Variants in FIGNL2 observed in about 807,000 individuals in gnomAD.
FIGNL2 encodes fidgetin like 2.
For synonymous variants in FIGNL2, 565 were observed against 484.0 expected, an observed-to-expected ratio of 1.17 and a Z score of -2.20; for missense variants, 1,060 against 950.2, an observed-to-expected ratio of 1.12 and a Z score of -1.52.
At position 51,820,854 on chromosome 12, in the gene FIGNL2, C is replaced by A. The variant is rs1483493248; in HGVS notation, c.1560G>T (p.Gly520=). 4.8e-6 allele frequency: 7 copies of A among 1,449,444 alleles called. No homozygotes were observed. In the South Asian group the frequency reaches 9.4e-5, roughly 19 times the overall value. The allele number at this position is 1,449,444 out of a possible 1,614,324, so 89.8% of individuals were successfully genotyped here. The change falls in exon 2 of 2, where the codon GGG becomes GGT. Residue 520 remains glycine (G), a synonymous_variant. Transcript: ENST00000618634. ...LQVPLLACLD[G]GCGAGADGVL... The stretch of plus-strand genomic sequence containing the variant: ...CGCCGTCAGCCCCCGCGCCGCAGCC[C>A]CCGTCCAGGCAGGCCAGGAGCGGCA...
chr12:51,832,800 T>C (rs575290121), intron 1 of FIGNL2, among the ~76,000 whole-genome samples: 4 of 152,168 alleles, frequency 2.6e-5, no homozygotes, highest in Non-Finnish European at 5.9e-5. Context: ...CACTGGAATA[T>C]TTAATTGGCA....
rs1347812775 is a variant in FIGNL2, at chr12:51,820,971, G to A, written c.1443C>T (p.Arg481=). 2.5e-5 allele frequency: 31 copies of A among 1,218,576 alleles called. No individual in the cohort carries two copies. The highest frequency in any genetic ancestry group is 3.8e-5 in the South Asian group (1 of 26,320). The allele number at this position is 1,218,576 out of a possible 1,614,324, so 75.5% of individuals were successfully genotyped here. A position where few individuals can be genotyped will look rare whatever the true frequency, so the allele number is the denominator to read the frequency against. The change falls in exon 2 of 2, where the codon CGC becomes CGT. Residue 481 remains arginine, a synonymous_variant. Coordinates refer to ENST00000618634, the MANE Select transcript of FIGNL2 (RefSeq NM_001384995.1). The stretch of plus-strand genomic sequence containing the variant: ...TGAGGAGTACGGAGGGTGGGCGGCA[G>A]CGCGCGGCCGCGAAGGCGGCCTGGA... ...RLLQAAFAAA[R]CRPPSVLLIS...
chr12:51,839,125 A>T (rs1189776279), intron 1 of FIGNL2, among the ~76,000 whole-genome samples: 1 of 151,222 alleles, frequency 6.6e-6, no homozygotes, highest in African/African-American at 2.4e-5. Flanking sequence ...TCCTGCTTCA[A>T]GTCCCTCCTG....
At chr12:51,837,030 T>C (rs1441757358) in intron 1 of FIGNL2, among the ~76,000 whole-genome samples, 1 of 152,100 alleles carries the variant, frequency 6.6e-6, no homozygotes, top group Non-Finnish European at 1.5e-5. Flanking sequence ...ATTAGCACAT[T>C]TGAACCGCTC....
chr12:51,821,813 G>C lies in FIGNL2; in HGVS notation c.601C>G (p.Pro201Ala). 7.8e-7 allele frequency: 1 copy of C among 1,275,042 alleles called. No homozygotes were observed. Among genetic ancestry groups the C allele is most frequent in the South Asian group, 3.0e-5 (1 of 33,154 alleles). 79.0% of individuals were successfully genotyped at this position (1,275,042 alleles called of 1,614,324 possible). A position where few individuals can be genotyped will look rare whatever the true frequency, so the allele number is the denominator to read the frequency against. Residue 201 changes from proline to alanine, a missense_variant, in exon 2 of 2, where the codon CCG becomes GCG. By Grantham distance (27) the Pro-to-Ala change is conservative. Transcript: ENST00000618634. ...CCCCCTGCGGGATAGTTGTACAGCG[G>C]CGCTGAGGGCCCGTACCCCGGAGGC... ...PPPPGYGPSAPLYNYPAGGYA... is the reference protein window; with the variant it reads ...PPPPGYGPSAALYNYPAGGYA...
At chr12:51,836,087 A>C (rs1939574242) in intron 1 of FIGNL2, among the ~76,000 whole-genome samples, 1 of 152,144 alleles carries the variant, frequency 6.6e-6, no homozygotes, top group African/African-American at 2.4e-5. Context: ...CTGGGATTAC[A>C]GGAGTGAGCC....
Position 51,821,084 on chromosome 12 carries a change from A to C in FIGNL2, c.1330T>G (p.Cys444Gly). ...RGAGKALLGR[C>G]LATQLGATLL... is the part of the protein sequence containing the mutation. ...GTGGCGCCCAGCTGCGTGGCGAGGC[A>C]GCGGCCCAGCAGCGCTTTGCCCGCG... The change falls in exon 2 of 2, where the codon TGC becomes GGC. Residue 444 changes from cysteine to glycine, a missense_variant. Transcript: ENST00000618634. 1 of 1,301,928 alleles carries C rather than the reference A, an allele frequency of 7.7e-7. No homozygotes were observed. Among genetic ancestry groups the C allele is most frequent in the Non-Finnish European group, 9.7e-7 (1 of 1,030,528 alleles). 80.6% of individuals were successfully genotyped at this position (1,301,928 alleles called of 1,614,324 possible).
intron 1 of FIGNL2, among the ~76,000 whole-genome samples, chr12:51,825,057 CAAACA>C (rs561215634): frequency 2.0e-3 from 309 of 151,772 alleles, no homozygotes; most frequent in Middle Eastern, 6.8e-3. Flanking sequence ...AACAAACAAA[CAAACA>C]AAAGTTACAC....
At position 51,821,398 on chromosome 12, in the gene FIGNL2, C is replaced by A; in HGVS notation, c.1016G>T (p.Gly339Val). ...PLKVLGSPVY[G>V]PQLEPFEKFP... is the part of the protein sequence containing the mutation. ...CTTTTCAAAGGGCTCCAGTTGCGGGCCGTAGACGGGGGAGCCCAGGACCTT... is the reference window on the plus strand; with the variant it reads ...CTTTTCAAAGGGCTCCAGTTGCGGGACGTAGACGGGGGAGCCCAGGACCTT... Residue 339 changes from glycine (G) to valine (V), a missense_variant, in exon 2 of 2, where the codon GGC (glycine) becomes GTC (valine). Physicochemically the swap from Gly to Val is moderately radical, Grantham distance 109. Transcript: ENST00000618634. 6.6e-7 allele frequency: 1 copy of A among 1,524,794 alleles called. No homozygotes were observed. Among genetic ancestry groups the A allele is most frequent in the Non-Finnish European group, 8.8e-7 (1 of 1,138,546 alleles). The allele number at this position is 1,524,794 out of a possible 1,614,324, so 94.5% of individuals were successfully genotyped here.
intron 1 of FIGNL2, chr12:51,825,990 C>T (rs1227645482): frequency 1.3e-5 from 2 of 152,234 alleles, no homozygotes; most frequent in Non-Finnish European, 2.9e-5. Context: ...CCTTCCACTC[C>T]AGGTAAATTT....
intron 1 of FIGNL2, chr12:51,847,581 C>A (rs1939778694): frequency 2.0e-6 from 2 of 985,352 alleles, no homozygotes; most frequent in Non-Finnish European, 2.4e-6. Flanking sequence ...GTCCACCCAC[C>A]CCTGCGCTCC....
In FIGNL2 at chr12:51,820,544, C is replaced by G; in HGVS notation, c.1870G>C (p.Glu624Gln). The change falls in exon 2 of 2, where the codon GAG becomes CAG. Residue 624 changes from glutamate to glutamine, a missense_variant. Glu to Gln is a conservative substitution (Grantham distance 29, BLOSUM62 2). Transcript: ENST00000618634. Reference sequence around the variant, plus strand: ...GGGCCCACCTTGGCCAGCGCCGCCTCCAGGTCCTTGTAGGAGAGGGGGCGC... The same window carrying G: ...GGGCCCACCTTGGCCAGCGCCGCCTGCAGGTCCTTGTAGGAGAGGGGGCGC... Reference protein sequence around the residue: ...LQRPLSYKDLEAALAKVGPRA... With the variant: ...LQRPLSYKDLQAALAKVGPRA... The G allele has an allele frequency of 6.5e-7, 1 of 1,546,364 alleles. No homozygotes were observed. Among genetic ancestry groups the G allele is most frequent in the Non-Finnish European group, 8.7e-7 (1 of 1,153,208 alleles).
At chr12:51,828,618 C>T (rs1165299595) in intron 1 of FIGNL2, 1 of 152,260 alleles carries the variant, frequency 6.6e-6, no homozygotes, top group South Asian at 2.1e-4. Context: ...GCACCTATCT[C>T]CCCCGTGGTC....
intron 1 of FIGNL2, among the ~76,000 whole-genome samples, chr12:51,829,369 C>A (rs949749590): frequency 5.3e-5 from 8 of 152,154 alleles, no homozygotes; most frequent in Admixed American, 5.2e-4. Flanking sequence ...TCATGCCAAC[C>A]CCCCAGTTAT....
intron 1 of FIGNL2, among the ~76,000 whole-genome samples, chr12:51,838,337 G>A (rs2138997260): frequency 6.6e-6 from 1 of 152,280 alleles, no homozygotes; most frequent in East Asian, 1.9e-4. Context: ...CTGTTCTACG[G>A]TGAGACATAC....
At chr12:51,847,048 G>C (rs954553788) in intron 1 of FIGNL2, 1 of 985,118 alleles carries the variant, frequency 1.0e-6, no homozygotes, top group Non-Finnish European at 1.2e-6. Flanking sequence ...CAGCTCGCGC[G>C]GCCGCCCGGT....
At chr12:51,830,506 T>C (rs1939432400) in intron 1 of FIGNL2, among the ~76,000 whole-genome samples, 1 of 150,440 alleles carries the variant, frequency 6.6e-6, no homozygotes, top group African/African-American at 2.4e-5. Context: ...TTTTTTTTTT[T>C]TTTGAGATGG....
chr12:51,826,570 T>A (rs530086516), intron 1 of FIGNL2, among the ~76,000 whole-genome samples: 2 of 131,622 alleles, frequency 1.5e-5, no homozygotes, highest in East Asian at 4.3e-4. Flanking sequence ...ACCTGGGAGG[T>A]GGAGGTTGCA....
Position 51,848,520 on chromosome 12 carries a change from G to C in FIGNL2, c.-12+20C>G. On this transcript the variant is annotated intron_variant, in intron 1 of 1. Transcript: ENST00000618634. ...GGTCACCTCCCCCCGCCCCATCCCGGCCCGCCCGCGGCCCCGTACCTCGGC... is the reference window on the plus strand; with the variant it reads ...GGTCACCTCCCCCCGCCCCATCCCGCCCCGCCCGCGGCCCCGTACCTCGGC... The C allele has an allele frequency of 1.0e-6, 1 of 982,528 alleles. No homozygotes were observed. Among genetic ancestry groups the C allele is most frequent in the East Asian group, 1.2e-4 (1 of 8,460 alleles). The allele number at this position is 982,528 out of a possible 1,614,324, so 60.9% of individuals were successfully genotyped here.
Sources: allele counts gnomAD v4.1 joint callset (sites outside exome capture counted in the v4.1 genomes callset), GRCh38; gene constraint gnomAD v4.1.1; transcripts MANE v1.5; gene names NCBI Gene and HGNC (gene_info 2026-07-23, HGNC 2026-07-21).